GNA13: variants seen among roughly 807,000 people sequenced by gnomAD.
The protein encoded by GNA13 is G protein subunit alpha 13, also known as guanine nucleotide-binding protein subunit alpha-13.
GNA13 carries 4 observed loss-of-function variants against 33.5 expected under a neutral mutation model. The observed-to-expected ratio is 0.12, with a 90% CI of 0.06 to 0.27. The LOEUF (loss-of-function observed/expected upper bound fraction) is 0.27. Ranked by LOEUF, GNA13 falls within the 10% of genes least tolerant of loss-of-function variation. The probability of loss-of-function intolerance (pLI) is 1.00; values close to 1 mark genes in which losing one functional copy is unlikely to be tolerated. For synonymous variants in GNA13, 176 were observed against 183.8 expected, an observed-to-expected ratio of 0.96 and a Z score of 0.34; for missense variants, 319 against 487.2, an observed-to-expected ratio of 0.65 and a Z score of 3.25.
Position 65,039,227 on chromosome 17 carries a change from TTCTTC to T in GNA13, c.510+14270_510+14274del, listed in dbSNP as rs555824649. On this transcript the variant is annotated intron_variant, in intron 2 of 3. Coordinates refer to ENST00000439174, the MANE Select transcript of GNA13 (RefSeq NM_006572.6). ...CTACAAAGTATATCCTGAATCCATT[TTCTTC>T]TCTTATCTCTACAGCCACCAACTGA... 4.6e-5 allele frequency among the ~76,000 whole-genome samples: 7 copies of T among 152,348 alleles called. No homozygotes were observed. In the South Asian group the frequency reaches 1.4e-3, roughly 32 times the overall value.
At chr17:65,049,946 G>A (rs1390110412) in intron 2 of GNA13, among the ~76,000 whole-genome samples, 1 of 152,176 alleles carries the variant, frequency 6.6e-6, no homozygotes, top group East Asian at 1.9e-4. Context: ...CTGGCAGAGG[G>A]ACTACGCATG....
Position 65,013,370 on chromosome 17 carries a change from G to T in GNA13, c.*887C>A, listed in dbSNP as rs1906257576. 1 of 209,800 alleles carries T rather than the reference G, an allele frequency of 4.8e-6. No individual in the cohort carries two copies. The highest frequency in any genetic ancestry group is 2.3e-5 in the African/African-American group (1 of 44,036). 13.0% of individuals were successfully genotyped at this position (209,800 alleles called of 1,614,324 possible). On this transcript the variant is annotated 3_prime_UTR_variant, in exon 4 of 4. Coordinates refer to ENST00000439174, the MANE Select transcript of GNA13 (RefSeq NM_006572.6). ...GTCTTTACTGACCAACTGAGATAGG[G>T]CTTAAAAGTCAAATACATGACATTC...
At chr17:65,046,101 CTT>C (rs1356617864) in intron 2 of GNA13, among the ~76,000 whole-genome samples, 4 of 152,082 alleles carry the variant, frequency 2.6e-5, no homozygotes, top group Admixed American at 2.0e-4. Flanking sequence ...AACAGTATAT[CTT>C]GTTTTGCTTT....
At chr17:65,055,836 A>G (rs1020805622) in intron 1 of GNA13, 8 of 807,796 alleles carry the variant, frequency 9.9e-6, no homozygotes, top group African/African-American at 1.9e-5. Flanking sequence ...TTGGGAGCGC[A>G]TGCGACCCCA....
intron 2 of GNA13, among the ~76,000 whole-genome samples, chr17:65,046,123 C>A (rs1907652529): frequency 6.6e-6 from 1 of 151,998 alleles, no homozygotes; most frequent in African/African-American, 2.4e-5. Context: ...TTTTGTGGAC[C>A]TGACACTTCA....
At chr17:65,021,849 C>T (rs564208396) in intron 2 of GNA13, among the ~76,000 whole-genome samples, 1 of 152,188 alleles carries the variant, frequency 6.6e-6, no homozygotes, top group East Asian at 1.9e-4. Flanking sequence ...TAATAAAAAG[C>T]AAGGTAAACA....
At chr17:65,017,542 G>A (rs1367235302) in intron 3 of GNA13, among the ~76,000 whole-genome samples, 1 of 152,254 alleles carries the variant, frequency 6.6e-6, no homozygotes, top group East Asian at 1.9e-4. Flanking sequence ...TTCTGTGTAC[G>A]CCCAATACAG....
At chr17:65,019,695 G>C (rs1906513671) in intron 2 of GNA13, among the ~76,000 whole-genome samples, 1 of 152,196 alleles carries the variant, frequency 6.6e-6, no homozygotes, top group Non-Finnish European at 1.5e-5. Flanking sequence ...TGGGGTGGCA[G>C]GAGGTGGGGA....
intron 2 of GNA13, among the ~76,000 whole-genome samples, chr17:65,052,898 G>A (rs1003233465): frequency 1.3e-5 from 2 of 152,128 alleles, no homozygotes; most frequent in Non-Finnish European, 2.9e-5. Context: ...GTGGTGGCAC[G>A]CGCCTATAGA....
chr17:65,028,682 G>A (rs1439063237), intron 2 of GNA13, among the ~76,000 whole-genome samples: 1 of 152,030 alleles, frequency 6.6e-6, no homozygotes, highest in Non-Finnish European at 1.5e-5. Context: ...GGATGATAGC[G>A]CCACAACCTT....
At chr17:65,032,033 T>C (rs1250835335) in intron 2 of GNA13, among the ~76,000 whole-genome samples, 4 of 152,006 alleles carry the variant, frequency 2.6e-5, no homozygotes, top group Non-Finnish European at 5.9e-5. Context: ...CCTGGAAACA[T>C]CTTGATAAAG....
At chr17:65,046,893 A>G (rs924546681) in intron 2 of GNA13, among the ~76,000 whole-genome samples, 1 of 152,202 alleles carries the variant, frequency 6.6e-6, no homozygotes, top group Admixed American at 6.5e-5. Flanking sequence ...GTATTTTCCA[A>G]TTCCGGAAGC....
intron 2 of GNA13, among the ~76,000 whole-genome samples, chr17:65,037,785 A>AAAAAAAAAAAAAAAAAAAAAG (rs1907306894): frequency 6.7e-6 from 1 of 148,710 alleles, no homozygotes; most frequent in Non-Finnish European, 1.5e-5. Context: ...ATGGAAAAAA[A>AAAAAAAAAAAAAAAAAAAAAG]AAAAAAAAAA....
At chr17:65,038,545 G>A (rs1907343858) in intron 2 of GNA13, among the ~76,000 whole-genome samples, 1 of 152,100 alleles carries the variant, frequency 6.6e-6, no homozygotes, top group Non-Finnish European at 1.5e-5. Context: ...TGAGTAGCTG[G>A]GACCACAGGC....
intron 2 of GNA13, among the ~76,000 whole-genome samples, chr17:65,045,976 G>C (rs958349416): frequency 6.6e-5 from 10 of 152,172 alleles, no homozygotes; most frequent in African/African-American, 2.4e-4. Context: ...TGTGGACTAG[G>C]AGTCAGCAGA....
intron 1 of GNA13, among the ~76,000 whole-genome samples, chr17:65,056,100 G>A (rs553834859): frequency 5.3e-5 from 8 of 152,080 alleles, no homozygotes; most frequent in African/African-American, 1.9e-4. Flanking sequence ...GGGAGAGCAG[G>A]GCGACCCCGA....
At chr17:65,026,660 G>A (rs1271472015) in intron 2 of GNA13, among the ~76,000 whole-genome samples, 1 of 152,174 alleles carries the variant, frequency 6.6e-6, no homozygotes, top group Non-Finnish European at 1.5e-5. Context: ...AATATAGTAT[G>A]AACCCCCTTT....
chr17:65,039,452 C>T (rs1907378914), intron 2 of GNA13, among the ~76,000 whole-genome samples: 1 of 152,194 alleles, frequency 6.6e-6, no homozygotes, highest in African/African-American at 2.4e-5. Flanking sequence ...GGCTACAAGG[C>T]CTGGCAGTCA....
chr17:65,020,718 T>C (rs182661761), intron 2 of GNA13, among the ~76,000 whole-genome samples: 1 of 151,928 alleles, frequency 6.6e-6, no homozygotes, highest in African/African-American at 2.4e-5. Flanking sequence ...TGGCGCGATC[T>C]TGGCTCAATA....
Sources: gnomAD v4.1 joint callset for allele counts (sites outside exome capture counted in the v4.1 genomes callset) on GRCh38, gnomAD v4.1.1 for gene constraint, MANE v1.5 for transcripts, NCBI Gene and HGNC (gene_info 2026-07-23, HGNC 2026-07-21) for gene names.